Variants in RALGPS1 observed in about 807,000 individuals in gnomAD.
The protein encoded by RALGPS1 is Ral GEF with PH domain and SH3 binding motif 1, also known as ras-specific guanine nucleotide-releasing factor RalGPS1.
RALGPS1 carries 19 observed loss-of-function variants against 78.8 expected under a neutral mutation model. That is an observed-to-expected ratio of 0.24 (90% CI 0.17 to 0.35). RALGPS1 has a LOEUF of 0.35. Ranked by LOEUF, RALGPS1 falls within the 10% of genes least tolerant of loss-of-function variation. The pLI is 1.00. For missense variants in RALGPS1, 454 were observed against 688.3 expected (o/e 0.66, Z 3.81); for synonymous variants, 228 against 256.3 (o/e 0.89, Z 1.06).
intron 1 of RALGPS1, among the ~76,000 whole-genome samples, chr9:126,960,422 C>T (rs918682021): frequency 6.6e-6 from 1 of 151,628 alleles, no homozygotes; most frequent in East Asian, 1.9e-4. Context: ...TTAGTAAAGA[C>T]GAGGTTTCAC....
intron 8 of RALGPS1, among the ~76,000 whole-genome samples, chr9:127,130,888 T>A (rs2056959745): frequency 6.6e-6 from 1 of 152,200 alleles, no homozygotes; most frequent in African/African-American, 2.4e-5. Flanking sequence ...AAGGCTCAGC[T>A]CTCCAGGCCC....
chr9:127,160,819 CA>C (rs1285163319), intron 8 of RALGPS1, among the ~76,000 whole-genome samples: 1 of 152,192 alleles, frequency 6.6e-6, no homozygotes, highest in Non-Finnish European at 1.5e-5. Flanking sequence ...TGATCTTGGC[CA>C]ATTGAAACTA....
chr9:127,203,270 G>A (rs535237143), intron 14 of RALGPS1, among the ~76,000 whole-genome samples: 1 of 152,264 alleles, frequency 6.6e-6, no homozygotes, highest in African/African-American at 2.4e-5. Flanking sequence ...GTATTCTTCA[G>A]ATTTTCCACA....
At chr9:127,028,833 A>G (rs2046175226) in intron 4 of RALGPS1, among the ~76,000 whole-genome samples, 1 of 152,200 alleles carries the variant, frequency 6.6e-6, no homozygotes, top group Non-Finnish European at 1.5e-5. Context: ...CTGAGAGTTT[A>G]AGTGACTTGT....
intron 14 of RALGPS1, among the ~76,000 whole-genome samples, chr9:127,200,839 A>G (rs922076222): frequency 6.6e-6 from 1 of 152,256 alleles, no homozygotes; most frequent in African/African-American, 2.4e-5. Flanking sequence ...GCCTCAGGCC[A>G]ATGAGAAGAC....
chr9:127,191,779 G>A (rs1163221494), intron 11 of RALGPS1, among the ~76,000 whole-genome samples: 12 of 142,922 alleles, frequency 8.4e-5, no homozygotes, highest in Non-Finnish European at 1.2e-4. Flanking sequence ...CTCACTGCAA[G>A]CTCTGCCTCC....
intron 5 of RALGPS1, among the ~76,000 whole-genome samples, chr9:127,045,494 A>G (rs11788671): frequency 0.38 from 57,985 of 151,962 alleles, 12,661 homozygotes; most frequent in Non-Finnish European, 0.48. Flanking sequence ...ATCAAACAAT[A>G]TAAGAAATAG....
intron 7 of RALGPS1, among the ~76,000 whole-genome samples, chr9:127,057,400 G>T (rs2048833921): frequency 6.6e-6 from 1 of 152,216 alleles, no homozygotes; most frequent in Non-Finnish European, 1.5e-5. Context: ...CTGCATCACG[G>T]ATGACTTCCA....
intron 14 of RALGPS1, chr9:127,210,632 C>T: frequency 1.6e-6 from 2 of 1,286,368 alleles, no homozygotes; most frequent in Non-Finnish European, 2.2e-6. Flanking sequence ...GGTGCTCTTG[C>T]CTCCTTCAGG....
intron 1 of RALGPS1, among the ~76,000 whole-genome samples, chr9:126,958,142 A>AAAAAAAAAAAAAAAT (rs113413659): frequency 3.2e-4 from 25 of 77,066 alleles, no homozygotes; most frequent in Non-Finnish European, 5.2e-4. Context: ...AAAAAAAAAA[A>AAAAAAAAAAAAAAAT]ATATATATAT....
intron 4 of RALGPS1, among the ~76,000 whole-genome samples, chr9:126,989,721 A>C (rs778932894): frequency 2.0e-5 from 3 of 152,226 alleles, no homozygotes; most frequent in Non-Finnish European, 4.4e-5. Flanking sequence ...AGGTGGGAGC[A>C]GCATTAACAG....
chr9:126,973,709 G>A (rs977358871), intron 3 of RALGPS1, among the ~76,000 whole-genome samples: 5 of 152,058 alleles, frequency 3.3e-5, no homozygotes, highest in Admixed American at 2.6e-4. Flanking sequence ...AACTGCTTTC[G>A]TCTTGCAAAA....
rs114762333 is a variant in RALGPS1 at position 127,165,639 on chromosome 9, A to G, written c.611-430A>G. 7.7e-3 allele frequency among the ~76,000 whole-genome samples: 1,175 copies of G among 152,314 alleles called. 23 individuals are homozygous for G. The highest frequency in any genetic ancestry group is 0.026 in the African/African-American group (1,098 of 41,566). ...TGGTGAGGTAGGGGTAGGGGAACAG[A>G]TAGACAAATAGACAGCTGGGCAAAT... is the stretch of plus-strand genomic sequence containing the variant. On this transcript the variant is annotated intron_variant, in intron 8 of 18. Coordinates refer to ENST00000259351, the MANE Select transcript of RALGPS1 (RefSeq NM_014636.3).
chr9:127,048,233 C>G (rs2047989237), intron 5 of RALGPS1, among the ~76,000 whole-genome samples: 1 of 152,164 alleles, frequency 6.6e-6, no homozygotes, highest in Non-Finnish European at 1.5e-5. Flanking sequence ...CACAGCACTC[C>G]TGCAACACCA....
chr9:127,092,956 T>G (rs1399555528), intron 8 of RALGPS1, among the ~76,000 whole-genome samples: 1 of 152,130 alleles, frequency 6.6e-6, no homozygotes, highest in African/African-American at 2.4e-5. Context: ...CTGCAGTCAC[T>G]ACTGGGCCAA....
intron 8 of RALGPS1, among the ~76,000 whole-genome samples, chr9:127,114,940 G>A (rs1035299657): frequency 6.6e-6 from 1 of 152,228 alleles, no homozygotes; most frequent in Non-Finnish European, 1.5e-5. Flanking sequence ...CTAAGCTGTT[G>A]AAATGTATGG....
chr9:127,024,036 C>CAAA (rs61549879), intron 4 of RALGPS1, among the ~76,000 whole-genome samples: 13 of 71,648 alleles, frequency 1.8e-4, no homozygotes, highest in African/African-American at 7.6e-4. Context: ...GACTCTGTCT[C>CAAA]AAAAAAAAAA....
chr9:127,107,519 G>A (rs1400590667), intron 8 of RALGPS1, among the ~76,000 whole-genome samples: 1 of 152,108 alleles, frequency 6.6e-6, no homozygotes, highest in Non-Finnish European at 1.5e-5. Flanking sequence ...TGTTTATTTG[G>A]TGAACATTTA....
intron 8 of RALGPS1, among the ~76,000 whole-genome samples, chr9:127,113,270 A>C (rs886263343): frequency 1.3e-5 from 2 of 152,162 alleles, no homozygotes; most frequent in Non-Finnish European, 2.9e-5. Context: ...GCCAAAGGTG[A>C]CTGAGCCTAG....
Sources: allele counts gnomAD v4.1 joint callset (sites outside exome capture counted in the v4.1 genomes callset), GRCh38; gene constraint gnomAD v4.1.1; transcripts MANE v1.5; gene names NCBI Gene and HGNC (gene_info 2026-07-23, HGNC 2026-07-21).